KMT2C: variants seen among roughly 807,000 people sequenced by gnomAD.
KMT2C encodes lysine methyltransferase 2C.
In KMT2C, 88 loss-of-function variants were observed where a neutral mutation model predicts 507.9. The observed-to-expected ratio is 0.17, with a 90% CI of 0.15 to 0.21. KMT2C has a LOEUF of 0.21. Ranked by LOEUF, KMT2C falls within the 10% of genes least tolerant of loss-of-function variation. KMT2C has a pLI of 1.00. For synonymous variants in KMT2C, 2,049 were observed against 2,080.8 expected (o/e 0.98, Z 0.42); for missense variants, 4,954 against 5,957.8 (o/e 0.83, Z 5.55).
At chr7:152,433,472 C>A (rs2097884275) in intron 1 of KMT2C, among the ~76,000 whole-genome samples, 1 of 152,026 alleles carries the variant, frequency 6.6e-6, no homozygotes, top group Non-Finnish European at 1.5e-5. Context: ...TTACATGTTG[C>A]TAAAAACAAC....
intron 44 of KMT2C, among the ~76,000 whole-genome samples, chr7:152,157,409 A>G (rs1587764965): frequency 6.6e-6 from 1 of 151,860 alleles, no homozygotes; most frequent in East Asian, 1.9e-4. Flanking sequence ...AAAATTGTTT[A>G]ATTTCATTTT....
chr7:152,244,677 C>T (rs1296411626), intron 14 of KMT2C, among the ~76,000 whole-genome samples: 8 of 152,288 alleles, frequency 5.3e-5, no homozygotes, highest in Non-Finnish European at 8.8e-5. Context: ...CCTACCTTAT[C>T]ATGTCTAATT....
Position 152,181,124 on chromosome 7 carries a change from T to G in KMT2C, c.6736A>C (p.Asn2246His). Residue 2246 changes from asparagine to histidine, a missense_variant, in exon 36 of 59, where the codon AAT becomes CAT. Asn to His is a moderately conservative substitution (Grantham distance 68). Coordinates refer to ENST00000262189, the MANE Select transcript of KMT2C (RefSeq NM_170606.3). Reference protein sequence around the residue: ...SSMTRPVLMPNQDPFLQAAQN... With the variant: ...SSMTRPVLMPHQDPFLQAAQN... ...GCTGCTTGCAGGAAAGGATCCTGATTTGGCATGAGGACTGGTCTTGTCATT... is the reference window on the plus strand; with the variant it reads ...GCTGCTTGCAGGAAAGGATCCTGATGTGGCATGAGGACTGGTCTTGTCATT... 2 of 1,614,146 alleles carry G rather than the reference T, an allele frequency of 1.2e-6. No individual in the cohort carries two copies. Among genetic ancestry groups the G allele is most frequent in the Non-Finnish European group, 1.7e-6 (2 of 1,180,034 alleles).
chr7:152,153,104 G>GA (rs1173325997), intron 48 of KMT2C, 150 bp from the exon 49 acceptor site: 5 of 1,015,370 alleles, frequency 4.9e-6, no homozygotes, highest in Non-Finnish European at 5.6e-6. Flanking sequence ...AGAACCTCAG[G>GA]AAAAAAATTA....
intron 1 of KMT2C, among the ~76,000 whole-genome samples, chr7:152,370,341 G>T (rs1268135652): frequency 1.3e-5 from 2 of 152,156 alleles, no homozygotes. Context: ...GAACAGCTCT[G>T]TAACTATTAA....
At chr7:152,338,383 C>A (rs1445783507) in intron 2 of KMT2C, among the ~76,000 whole-genome samples, 1 of 152,026 alleles carries the variant, frequency 6.6e-6, no homozygotes, top group African/African-American at 2.4e-5. Flanking sequence ...TAGTCAAGAT[C>A]CCTACGTTTA....
At chr7:152,250,679 C>G (rs2095549294) in intron 12 of KMT2C, among the ~76,000 whole-genome samples, 174 bp downstream of exon 12, 1 of 152,174 alleles carries the variant, frequency 6.6e-6, no homozygotes, top group Non-Finnish European at 1.5e-5. Flanking sequence ...GGTAGCTGAA[C>G]TACAAATACA....
At position 152,182,283 on chromosome 7, in the gene KMT2C, T is replaced by C; in HGVS notation, c.5577A>G (p.Pro1859=). ...KPQAPPPPPA[P]SRIPIQDSLS... ...GACTATCCTGGATGGGAATCCGGGATGGGGCTGGAGGAGGAGGTGGAGCTT... is the reference window on the plus strand; with the variant it reads ...GACTATCCTGGATGGGAATCCGGGACGGGGCTGGAGGAGGAGGTGGAGCTT... The change falls in exon 36 of 59, where the codon CCA becomes CCG. Residue 1859 remains proline, a synonymous_variant. Transcript: ENST00000262189. 6.2e-7 allele frequency: 1 copy of C among 1,614,098 alleles called. No individual in the cohort carries two copies. Among genetic ancestry groups the C allele is most frequent in the Non-Finnish European group, 8.5e-7 (1 of 1,180,016 alleles).
rs1420344630 is a variant in KMT2C at position 152,178,353 on chromosome 7, CTT to C, written c.7443-345_7443-344del. Reference sequence around the variant, plus strand: ...TACTGGACTTTTTCAGGAAGAGTTTCTTTTATCTATATTTAGGGAGGTTCGAT... The same window carrying C: ...TACTGGACTTTTTCAGGAAGAGTTTCTTATCTATATTTAGGGAGGTTCGAT... On this transcript the variant is annotated intron_variant, in intron 37 of 58. Transcript: ENST00000262189. 5.3e-5 allele frequency among the ~76,000 whole-genome samples: 8 copies of C among 151,978 alleles called. No individual in the cohort carries two copies. The East Asian group carries it at 1.5e-3, about 29-fold the overall frequency.
Position 152,177,432 on chromosome 7 carries a change from T to C in KMT2C, c.8021A>G (p.Asn2674Ser), listed in dbSNP as rs1381388258. ...TSVPSETTSDNLQITTQPSDG... is the reference protein window; with the variant it reads ...TSVPSETTSDSLQITTQPSDG... ...AGAAGGCTGGGTGGTTATCTGTAAA[T>C]TATCAGACGTTGTTTCAGACGGTAC... is the stretch of plus-strand genomic sequence containing the variant. The change falls in exon 38 of 59, where the codon AAT (asparagine) becomes AGT (serine). Residue 2674 changes from asparagine (N) to serine (S), a missense_variant. This residue lies in a region of KMT2C where 1,689 missense variants were observed against 1,654.3 expected (regional missense o/e 1.02). Coordinates refer to ENST00000262189, the MANE Select transcript of KMT2C (RefSeq NM_170606.3). 1.9e-6 allele frequency: 3 copies of C among 1,614,038 alleles called. No individual in the cohort carries two copies. In the African/African-American group the frequency reaches 4.0e-5, roughly 22 times the overall value.
intron 9 of KMT2C, among the ~76,000 whole-genome samples, chr7:152,259,098 G>T (rs946942935): frequency 1.3e-5 from 2 of 151,830 alleles, no homozygotes; most frequent in African/African-American, 4.8e-5. Flanking sequence ...AGACAAAATG[G>T]GGAAATTTGT....
intron 16 of KMT2C, among the ~76,000 whole-genome samples, 189 bp downstream of exon 16, chr7:152,235,628 A>T (rs1439502229): frequency 2.0e-5 from 3 of 152,276 alleles, no homozygotes; most frequent in Non-Finnish European, 4.4e-5. Context: ...AGGTAAGAAA[A>T]GAGAAAGGAT....
At chr7:152,277,944 T>G (rs2096115959) in intron 6 of KMT2C, among the ~76,000 whole-genome samples, 1 of 152,194 alleles carries the variant, frequency 6.6e-6, no homozygotes, top group Admixed American at 6.5e-5. Context: ...TATACATATT[T>G]TACATATTAC....
chr7:152,310,592 C>T (rs915280644), intron 5 of KMT2C, among the ~76,000 whole-genome samples: 2 of 152,106 alleles, frequency 1.3e-5, no homozygotes, highest in African/African-American at 4.8e-5. Flanking sequence ...AATGCAGAAG[C>T]GCAGATCACA....
chr7:152,142,370 G>A (rs28477116), intron 55 of KMT2C, among the ~76,000 whole-genome samples: 3 of 152,150 alleles, frequency 2.0e-5, no homozygotes, highest in South Asian at 2.1e-4. Flanking sequence ...TCCAAATGGC[G>A]GACATGAAAA....
chr7:152,167,367 G>A lies in KMT2C; in HGVS notation c.9529C>T (p.Arg3177Cys), dbSNP rs145072739. The A allele has an allele frequency of 1.8e-5, 29 of 1,604,918 alleles. No homozygotes were observed. Among genetic ancestry groups the A allele is most frequent in the African/African-American group, 6.7e-5 (5 of 74,694 alleles). Residue 3177 changes from arginine (R) to cysteine (C), a missense_variant, in exon 42 of 59, where the codon CGT (arginine) becomes TGT (cysteine). Physicochemically the swap from Arg to Cys is radical, Grantham distance 180 (BLOSUM62 -3). Coordinates refer to ENST00000262189, the MANE Select transcript of KMT2C (RefSeq NM_170606.3). ...TGGAGCCACTCTTCATACTGCTTAC[G>A]CTGTGAATCATCTGAGGAAAAATTA... is the stretch of plus-strand genomic sequence containing the variant. ...FGPGFVNDSQ[R>C]KQYEEWLQET... is the part of the protein sequence containing the mutation.
chr7:152,356,897 G>GAATAATAATAAT (rs55935930), intron 2 of KMT2C, among the ~76,000 whole-genome samples: 179 of 138,324 alleles, frequency 1.3e-3, no homozygotes, highest in South Asian at 3.1e-3. Context: ...AACTCAAAAA[G>GAATAATAATAAT]AATAATAATA....
In KMT2C at chr7:152,280,499, C is replaced by T. The variant is rs896057727; in HGVS notation, c.850-6632G>A. ...CCGGGAGGCAGAGGTTGCAGTGAGC[C>T]GAGACTGCACCACTGCACTCCAGCC... On this transcript the variant is annotated intron_variant, in intron 6 of 58. Coordinates refer to ENST00000262189, the MANE Select transcript of KMT2C (RefSeq NM_170606.3). 3.5e-5 allele frequency among the ~76,000 whole-genome samples: 5 copies of T among 141,484 alleles called. 1 individual carries two copies. The highest frequency in any genetic ancestry group is 1.4e-4 in the Admixed American group (2 of 14,052). The allele number at this position is 141,484 out of a possible 152,430, so 92.8% of individuals were successfully genotyped here. A position where few individuals can be genotyped will look rare whatever the true frequency, so the allele number is the denominator to read the frequency against.
intron 1 of KMT2C, among the ~76,000 whole-genome samples, chr7:152,391,787 A>T (rs2097501142): frequency 6.6e-6 from 1 of 152,172 alleles, no homozygotes. Context: ...CTGGGATTAC[A>T]GGCGTGAGCC....
Sources: gnomAD v4.1 joint callset for allele counts (sites outside exome capture counted in the v4.1 genomes callset) on GRCh38, gnomAD v4.1.1 for gene constraint, gnomAD v4.1.1 regional missense constraint, MANE v1.5 for transcripts, NCBI Gene and HGNC (gene_info 2026-07-23, HGNC 2026-07-21) for gene names.